The following SV2B variants were observed in gnomAD, a reference collection of about 807,000 sequenced individuals.
The protein encoded by SV2B is solute carrier family 22 member B2.
Under a neutral mutation model 73.9 loss-of-function variants are expected in SV2B, and 41 were observed. That is an observed-to-expected ratio of 0.56 (90% confidence interval 0.43 to 0.72). The LOEUF (loss-of-function observed/expected upper bound fraction) is 0.72, where lower values mean the gene tolerates loss of function less well. Among genes scored for constraint, SV2B ranks in the 30% least tolerant of loss-of-function variants. SV2B has a pLI of 0.00. For missense variants in SV2B, 764 were observed against 857.8 expected (o/e 0.89, Z 1.37); for synonymous variants, 314 against 314.2 (o/e 1.00, Z 0.01).
In SV2B at chr15:91,123,784, A is replaced by G. The variant is rs1443660761; in HGVS notation, c.-392+23421A>G. Reference sequence around the variant, plus strand: ...GCGTGTCTTCACTGAAGGTCTCCAGAGAGGAGCAAGGAGAGACTAATTGGG... The same window carrying G: ...GCGTGTCTTCACTGAAGGTCTCCAGGGAGGAGCAAGGAGAGACTAATTGGG... On this transcript the variant is annotated intron_variant, in intron 1 of 12. Coordinates refer to ENST00000394232, the MANE Select transcript of SV2B (RefSeq NM_001323032.3). The surrounding 1 kb of genome is among the most constrained non-coding windows in gnomAD (Gnocchi z 4.7). Among the ~76,000 whole-genome samples the G allele has an allele frequency of 6.6e-6, 1 of 152,160 alleles. No homozygotes were observed. Among genetic ancestry groups the G allele is most frequent in the Non-Finnish European group, 1.5e-5 (1 of 68,032 alleles).
intron 11 of SV2B, among the ~76,000 whole-genome samples, chr15:91,287,595 G>A (rs2048902726): frequency 6.6e-6 from 1 of 152,130 alleles, no homozygotes; most frequent in Non-Finnish European, 1.5e-5. Context: ...AGCTCTATAA[G>A]GGCTGTGCTG....
At chr15:91,271,834 C>T (rs904756716) in intron 9 of SV2B, among the ~76,000 whole-genome samples, 2 of 152,166 alleles carry the variant, frequency 1.3e-5, no homozygotes, top group East Asian at 1.9e-4. Context: ...TGAATACACG[C>T]GTGTTCTTTG....
Position 91,166,690 on chromosome 15 carries a change from C to G in SV2B, c.-391-59183C>G, listed in dbSNP as rs550483114. ...TTCAGATTAGATACTTTTAATTGAC[C>G]TATTTTCAAGTTCATCAGCTCTTTC... On this transcript the variant is annotated intron_variant, in intron 1 of 12. Coordinates refer to ENST00000394232, the MANE Select transcript of SV2B (RefSeq NM_001323032.3). Among the ~76,000 whole-genome samples, 3 of 152,062 alleles carry G rather than the reference C, an allele frequency of 2.0e-5. 1 individual carries two copies. The South Asian group carries it at 6.2e-4, about 32-fold the overall frequency.
At chr15:91,206,366 A>G (rs1032978152) in intron 1 of SV2B, among the ~76,000 whole-genome samples, 1 of 152,004 alleles carries the variant, frequency 6.6e-6, no homozygotes. Context: ...TTAGTTAAGG[A>G]AGCTCCCCCT....
Position 91,225,952 on chromosome 15 carries a change from G to C in SV2B, c.-312G>C, listed in dbSNP as rs1439066659. 1 of 371,582 alleles carries C rather than the reference G, an allele frequency of 2.7e-6. No individual in the cohort carries two copies. Among genetic ancestry groups the C allele is most frequent in the Non-Finnish European group, 4.9e-6 (1 of 204,850 alleles). The allele number at this position is 371,582 out of a possible 1,614,324, so 23.0% of individuals were successfully genotyped here. A position where few individuals can be genotyped will look rare whatever the true frequency, so the allele number is the denominator to read the frequency against. On this transcript the variant is annotated 5_prime_UTR_variant, in exon 2 of 13. Transcript: ENST00000394232. Reference sequence around the variant, plus strand: ...TGCTCGCTCCCTGTCAAGAAAAACAGCTGGATCCATTTCTAATCAACACTT... The same window carrying C: ...TGCTCGCTCCCTGTCAAGAAAAACACCTGGATCCATTTCTAATCAACACTT...
rs1205359666 is a variant in SV2B at position 91,284,817 on chromosome 15, G to A, written c.1708+596G>A. Among the ~76,000 whole-genome samples the A allele has an allele frequency of 1.3e-5, 2 of 152,128 alleles. No individual in the cohort carries two copies. Among genetic ancestry groups the A allele is most frequent in the Admixed American group, 6.5e-5 (1 of 15,288 alleles). On this transcript the variant is annotated intron_variant, in intron 11 of 12. Coordinates refer to ENST00000394232, the MANE Select transcript of SV2B (RefSeq NM_001323032.3). This position sits in a 1 kb window ranked among gnomAD's most constrained non-coding sequence, Gnocchi z 4.5. The stretch of plus-strand genomic sequence containing the variant: ...AGGTACCTGTAACACTTGGCACATC[G>A]TCGGTTCTCAAAAATGGTAGCTATA...
intron 1 of SV2B, among the ~76,000 whole-genome samples, chr15:91,172,400 T>C (rs1364622023): frequency 1.3e-5 from 2 of 152,246 alleles, no homozygotes; most frequent in Non-Finnish European, 2.9e-5. Flanking sequence ...CGGGGCCTAC[T>C]GAGATACAGA....
At chr15:91,235,565 C>T (rs985877613) in intron 2 of SV2B, among the ~76,000 whole-genome samples, 1 of 152,136 alleles carries the variant, frequency 6.6e-6, no homozygotes, top group South Asian at 2.1e-4. Flanking sequence ...AAAAAAATCT[C>T]TCGAGGAGAA....
At position 91,121,392 on chromosome 15, in the gene SV2B, A is replaced by G. The variant is rs187905610; in HGVS notation, c.-392+21029A>G. On this transcript the variant is annotated intron_variant, in intron 1 of 12. Coordinates refer to ENST00000394232, the MANE Select transcript of SV2B (RefSeq NM_001323032.3). This position sits in a 1 kb window ranked among gnomAD's most constrained non-coding sequence, Gnocchi z 4.4. ...GAATTTTTTAAAAATAAGCTGCCCAATGATCCTAATGTGCAGCCAAGACCC... is the reference window on the plus strand; with the variant it reads ...GAATTTTTTAAAAATAAGCTGCCCAGTGATCCTAATGTGCAGCCAAGACCC... Among the ~76,000 whole-genome samples, 132 of 152,308 alleles carry G rather than the reference A, an allele frequency of 8.7e-4. No individual in the cohort carries two copies. The highest frequency in any genetic ancestry group is 2.9e-3 in the African/African-American group (120 of 41,562).
In SV2B at chr15:91,229,916, C is replaced by CAG. The variant is rs2046510866; in HGVS notation, c.451+3202_451+3203insAG. On this transcript the variant is annotated intron_variant, in intron 2 of 12. Coordinates refer to ENST00000394232, the MANE Select transcript of SV2B (RefSeq NM_001323032.3). This position sits in a 1 kb window ranked among gnomAD's most constrained non-coding sequence, Gnocchi z 4.3. ...ATGTTTGAGTGCTGCTAACTCAGTT[C>CAG]TGTCTTTCCCCATCCTCTCTCTGTT... Among the ~76,000 whole-genome samples the CAG allele has an allele frequency of 6.6e-6, 1 of 152,198 alleles. No homozygotes were observed. The highest frequency in any genetic ancestry group is 1.5e-5 in the Non-Finnish European group (1 of 68,034).
intron 1 of SV2B, among the ~76,000 whole-genome samples, chr15:91,183,644 T>G (rs1346143743): frequency 6.6e-6 from 1 of 152,212 alleles, no homozygotes; most frequent in Non-Finnish European, 1.5e-5. Flanking sequence ...GTTGAATTGG[T>G]TTTATTGAGC....
chr15:91,140,687 G>T lies in SV2B; in HGVS notation c.-392+40324G>T, dbSNP rs577945362. ...ACACTAGGCTTCCTGGACTAACCAG[G>T]ACTGGGTGTGAGACATGTACTAGAT... On this transcript the variant is annotated intron_variant, in intron 1 of 12. Transcript: ENST00000394232. This position sits in a 1 kb window ranked among gnomAD's most constrained non-coding sequence, Gnocchi z 4.4. Among the ~76,000 whole-genome samples the T allele has an allele frequency of 6.6e-6, 1 of 152,074 alleles. No homozygotes were observed. Among genetic ancestry groups the T allele is most frequent in the Admixed American group, 6.5e-5 (1 of 15,274 alleles).
chr15:91,174,003 G>A (rs2044215946), intron 1 of SV2B, among the ~76,000 whole-genome samples: 1 of 152,210 alleles, frequency 6.6e-6, no homozygotes, highest in Non-Finnish European at 1.5e-5. Context: ...GCCAGCCAGT[G>A]TCTATGTGAG....
intron 2 of SV2B, among the ~76,000 whole-genome samples, chr15:91,230,138 G>A (rs755677736): frequency 1.2e-4 from 18 of 152,026 alleles, no homozygotes; most frequent in Admixed American, 7.2e-4. Context: ...CTACTTGAGC[G>A]GCTGAGGTGG....
chr15:91,291,226 A>C (rs2049028946), intron 12 of SV2B, among the ~76,000 whole-genome samples: 1 of 151,736 alleles, frequency 6.6e-6, no homozygotes, highest in South Asian at 2.1e-4. Context: ...TCAAAATTCA[A>C]CAAGTTTTTT....
At position 91,252,324 on chromosome 15, in the gene SV2B, T is replaced by C; in HGVS notation, c.633-45T>C. The C allele has an allele frequency of 6.4e-7, 1 of 1,565,126 alleles. No homozygotes were observed. Among genetic ancestry groups the C allele is most frequent in the Non-Finnish European group, 8.7e-7 (1 of 1,153,116 alleles). On this transcript the variant is annotated intron_variant, in intron 3 of 12. Coordinates refer to ENST00000394232, the MANE Select transcript of SV2B (RefSeq NM_001323032.3). This position sits in a 1 kb window ranked among gnomAD's most constrained non-coding sequence, Gnocchi z 4.6. ...ACTTGGTTTCTGCTGTGACCATTTT[T>C]AGTGTATGACTTGATTCTTTCTCTC... is the stretch of plus-strand genomic sequence containing the variant.
At chr15:91,157,074 A>C (rs937336560) in intron 1 of SV2B, among the ~76,000 whole-genome samples, 12 of 152,218 alleles carry the variant, frequency 7.9e-5, no homozygotes, top group African/African-American at 2.9e-4. Context: ...TGTGCGTATC[A>C]AACACTGAAA....
chr15:91,209,964 A>G (rs2045794204), intron 1 of SV2B, among the ~76,000 whole-genome samples: 1 of 152,144 alleles, frequency 6.6e-6, no homozygotes, highest in South Asian at 2.1e-4. Context: ...TACAAAGTTT[A>G]TAATTTGCCT....
chr15:91,276,793 ATTATTGTTGTTG>A (rs1311280377), intron 9 of SV2B, among the ~76,000 whole-genome samples: 3 of 105,876 alleles, frequency 2.8e-5, no homozygotes, highest in Non-Finnish European at 5.7e-5. Flanking sequence ...CAGTATTTAT[ATTATTGTTGTTG>A]TTATTATTAT....
Sources: gnomAD v4.1 joint callset for allele counts (sites outside exome capture counted in the v4.1 genomes callset) on GRCh38, gnomAD v4.1.1 for gene constraint, Gnocchi (gnomAD v3.1) non-coding constraint, MANE v1.5 for transcripts, NCBI Gene and HGNC (gene_info 2026-07-23, HGNC 2026-07-21) for gene names.